Variants in PTPRD observed in about 807,000 individuals in gnomAD.
The protein encoded by PTPRD is receptor-type tyrosine-protein phosphatase delta.
PTPRD carries 34 observed loss-of-function variants against 214.5 expected under a neutral mutation model. That is an observed-to-expected ratio of 0.16 (90% CI 0.12 to 0.21). The LOEUF (loss-of-function observed/expected upper bound fraction) is 0.21, where lower values mean the gene tolerates loss of function less well. Among genes scored for constraint, PTPRD ranks in the 10% least tolerant of loss-of-function variants. PTPRD has a pLI of 1.00. For synonymous variants in PTPRD, 1,128 were observed against 845.7 expected (o/e 1.33, Z -5.79); for missense variants, 2,545 against 2,398.7 (o/e 1.06, Z -1.27).
intron 35 of PTPRD, among the ~76,000 whole-genome samples, chr9:8,414,310 C>T (rs539863482): frequency 2.0e-5 from 3 of 152,270 alleles, no homozygotes; most frequent in African/African-American, 7.2e-5. Context: ...TAAGCTATCA[C>T]CTGTGACAGC....
chr9:8,788,811 T>A (rs1046964597), intron 11 of PTPRD, among the ~76,000 whole-genome samples: 1 of 152,220 alleles, frequency 6.6e-6, no homozygotes, highest in Non-Finnish European at 1.5e-5. Flanking sequence ...ACCAACTGTT[T>A]ACTCAGGAAT....
At chr9:8,789,666 T>C (rs1419519368) in intron 11 of PTPRD, among the ~76,000 whole-genome samples, 1 of 150,990 alleles carries the variant, frequency 6.6e-6, no homozygotes, top group Admixed American at 6.6e-5. Flanking sequence ...ACCTTATTAT[T>C]GAGGGGCAAA....
chr9:9,401,435 C>A (rs1018784123), intron 8 of PTPRD, among the ~76,000 whole-genome samples: 1 of 151,856 alleles, frequency 6.6e-6, no homozygotes, highest in African/African-American at 2.4e-5. Flanking sequence ...GGACTAAGTC[C>A]AGGACTTGGA....
intron 3 of PTPRD, among the ~76,000 whole-genome samples, chr9:10,265,732 G>C (rs1412110091): frequency 6.6e-6 from 1 of 152,158 alleles, no homozygotes; most frequent in Non-Finnish European, 1.5e-5. Flanking sequence ...GCAGCATCCG[G>C]ACCTGATCCA....
At chr9:9,396,881 AT>A (rs1034733711) in intron 9 of PTPRD, among the ~76,000 whole-genome samples, 25 of 152,088 alleles carry the variant, frequency 1.6e-4, no homozygotes, top group Middle Eastern at 3.4e-3. Flanking sequence ...GCACACAAAT[AT>A]GTTGTGTTTA....
At chr9:8,357,903 A>G (rs1426644529) in intron 39 of PTPRD, among the ~76,000 whole-genome samples, 1 of 152,194 alleles carries the variant, frequency 6.6e-6, no homozygotes, top group African/African-American at 2.4e-5. Flanking sequence ...TATCCACAAA[A>G]TCTGGTCAAT....
At chr9:10,172,101 A>T (rs1408394594) in intron 3 of PTPRD, among the ~76,000 whole-genome samples, 2 of 152,190 alleles carry the variant, frequency 1.3e-5, no homozygotes, top group Non-Finnish European at 2.9e-5. Flanking sequence ...CCAAATACAC[A>T]TATGATGGTT....
intron 14 of PTPRD, among the ~76,000 whole-genome samples, chr9:8,594,678 C>T (rs1359114196): frequency 6.6e-6 from 1 of 152,054 alleles, no homozygotes; most frequent in African/African-American, 2.4e-5. Context: ...GACGCTCTCG[C>T]TCTGTCTTGC....
chr9:9,844,908 G>C (rs1246900051), intron 5 of PTPRD, among the ~76,000 whole-genome samples: 1 of 151,052 alleles, frequency 6.6e-6, no homozygotes, highest in Non-Finnish European at 1.5e-5. Context: ...TGTTAGCACA[G>C]AAAACTTGTA....
At chr9:9,697,268 A>C (rs2154408581) in intron 7 of PTPRD, among the ~76,000 whole-genome samples, 1 of 152,218 alleles carries the variant, frequency 6.6e-6, no homozygotes, top group South Asian at 2.1e-4. Flanking sequence ...TACTTTTACA[A>C]GTGAACTTAA....
At chr9:9,597,402 C>A (rs56900747) in intron 7 of PTPRD, among the ~76,000 whole-genome samples, 2,675 of 151,808 alleles carry the variant, frequency 0.018, 72 homozygotes, top group African/African-American at 0.061. Context: ...TAAATTCCAT[C>A]GAGGAATAAA....
At chr9:8,893,446 G>T (rs2098560344) in intron 11 of PTPRD, among the ~76,000 whole-genome samples, 1 of 152,178 alleles carries the variant, frequency 6.6e-6, no homozygotes, top group Non-Finnish European at 1.5e-5. Context: ...GGACCATGAT[G>T]CTCAAGCTCA....
intron 10 of PTPRD, among the ~76,000 whole-genome samples, chr9:9,128,289 T>C (rs2099837199): frequency 6.6e-6 from 1 of 152,096 alleles, no homozygotes; most frequent in Non-Finnish European, 1.5e-5. Context: ...GGTCATTAGC[T>C]CTCCTTTAAC....
chr9:10,315,678 G>A (rs1363886984), intron 3 of PTPRD, among the ~76,000 whole-genome samples: 1 of 151,828 alleles, frequency 6.6e-6, no homozygotes, highest in South Asian at 2.1e-4. Flanking sequence ...TAATTTGTGT[G>A]GGTTAAAGTA....
At chr9:9,683,965 G>T (rs2097123286) in intron 7 of PTPRD, among the ~76,000 whole-genome samples, 1 of 151,584 alleles carries the variant, frequency 6.6e-6, no homozygotes, top group Middle Eastern at 3.4e-3. Flanking sequence ...TCATGTCCTT[G>T]ACTGCCAAAA....
Position 8,528,375 on chromosome 9 carries a change from G to C in PTPRD, c.541+216C>G, listed in dbSNP as rs536535283. On this transcript the variant is annotated intron_variant, in intron 15 of 45. Coordinates refer to ENST00000381196, the MANE Select transcript of PTPRD (RefSeq NM_002839.4). ...AGCAGTGAGCAATGTGGATTAAACA[G>C]AAGCTGCAAAACACACAGAGAAAAG... The C allele has an allele frequency of 4.9e-6, 3 of 617,274 alleles. No individual in the cohort carries two copies. In the Admixed American group the frequency reaches 9.2e-5, roughly 19 times the overall value. 38.2% of individuals were successfully genotyped at this position (617,274 alleles called of 1,614,324 possible).
rs562782418 is a variant in PTPRD, at chr9:9,964,246, TATCAAATATTTA to T, written c.-471-25648_-471-25637del. On this transcript the variant is annotated intron_variant, in intron 4 of 45. Coordinates refer to ENST00000381196, the MANE Select transcript of PTPRD (RefSeq NM_002839.4). ...TTAGTTTGGGAGTGAGGGAATCATC[TATCAAATATTTA>T]ACCGCTACTAGGACAAGAAAGAATG... Among the ~76,000 whole-genome samples the T allele has an allele frequency of 4.6e-5, 7 of 152,320 alleles. No individual in the cohort carries two copies. The East Asian group carries it at 1.4e-3, about 29-fold the overall frequency.
In PTPRD at chr9:9,565,428, A is replaced by G. The variant is rs185850478; in HGVS notation, c.-237+9304T>C. 3.1e-3 allele frequency among the ~76,000 whole-genome samples: 466 copies of G among 152,048 alleles called. 2 individuals are homozygous for G. The highest frequency in any genetic ancestry group is 0.011 in the African/African-American group (441 of 41,570). ...AATGATGTAATCTAAATGCAAATCT[A>G]AATAAGGATTGGAAAGGAAGGTATA... is the stretch of plus-strand genomic sequence containing the variant. On this transcript the variant is annotated intron_variant, in intron 8 of 45. Transcript: ENST00000381196.
At chr9:9,436,030 C>T (rs1218473653) in intron 8 of PTPRD, among the ~76,000 whole-genome samples, 1 of 152,134 alleles carries the variant, frequency 6.6e-6, no homozygotes, top group Non-Finnish European at 1.5e-5. Flanking sequence ...CTGACCTCAC[C>T]TCTACTTCTG....
Sources: allele counts gnomAD v4.1 joint callset (sites outside exome capture counted in the v4.1 genomes callset), GRCh38; gene constraint gnomAD v4.1.1; transcripts MANE v1.5; gene names NCBI Gene and HGNC (gene_info 2026-07-23, HGNC 2026-07-21).